PELI2: variants seen among roughly 807,000 people sequenced by gnomAD.
The protein encoded by PELI2 is E3 ubiquitin-protein ligase pellino homolog 2.
Under a neutral mutation model 42.3 loss-of-function variants are expected in PELI2, and 23 were observed. The observed-to-expected ratio is 0.54, with a 90% CI of 0.39 to 0.77. PELI2 has a LOEUF of 0.77. PELI2 is among the 30% of genes least tolerant of loss of function. PELI2 has a pLI of 0.00. For synonymous variants in PELI2, 245 were observed against 212.2 expected (o/e 1.15, Z -1.34); for missense variants, 463 against 553.2 (o/e 0.84, Z 1.64).
chr14:56,152,292 T>C (rs939010962), intron 1 of PELI2, among the ~76,000 whole-genome samples: 5 of 152,290 alleles, frequency 3.3e-5, no homozygotes, highest in Admixed American at 2.6e-4. Flanking sequence ...TCCTTTCTTA[T>C]TCATAAAATG....
chr14:56,228,377 C>A (rs1456431803), intron 2 of PELI2, among the ~76,000 whole-genome samples: 1 of 152,092 alleles, frequency 6.6e-6, no homozygotes, highest in African/African-American at 2.4e-5. Context: ...TTTTTTAAAA[C>A]CCTGGAGAAT....
chr14:56,276,633 G>A (rs1889300461), intron 2 of PELI2, among the ~76,000 whole-genome samples: 1 of 152,172 alleles, frequency 6.6e-6, no homozygotes, highest in Non-Finnish European at 1.5e-5. Flanking sequence ...CTGCCCCGGA[G>A]CCACTCCCCA....
At chr14:56,286,361 G>GT (rs1267949620) in intron 3 of PELI2, among the ~76,000 whole-genome samples, 1 of 152,232 alleles carries the variant, frequency 6.6e-6, no homozygotes, top group Non-Finnish European at 1.5e-5. Context: ...GGAGGAATTG[G>GT]TTGAGGGAGG....
intron 1 of PELI2, among the ~76,000 whole-genome samples, chr14:56,131,860 G>C (rs536130521): frequency 1.3e-5 from 2 of 152,258 alleles, no homozygotes; most frequent in South Asian, 4.2e-4. Flanking sequence ...CCACACTCCA[G>C]CCTGGGCGAC....
In PELI2 at chr14:56,147,115, G is replaced by C. The variant is rs186329499; in HGVS notation, c.77+28378G>C. On this transcript the variant is annotated intron_variant, in intron 1 of 5. Transcript: ENST00000267460. ...AATGTTTTCATTAGTCATCCATGTT[G>C]TAGCATGTATCAGTACTTCTTTTTA... 1.6e-4 allele frequency among the ~76,000 whole-genome samples: 25 copies of C among 152,286 alleles called. 1 individual carries two copies. In the East Asian group the frequency reaches 4.4e-3, roughly 27 times the overall value.
intron 2 of PELI2, among the ~76,000 whole-genome samples, chr14:56,271,341 C>A (rs1889097213): frequency 1.3e-5 from 2 of 152,184 alleles, no homozygotes; most frequent in Non-Finnish European, 2.9e-5. Flanking sequence ...AGACCTACCC[C>A]CAAACAGTTT....
At chr14:56,136,985 G>A (rs1189515282) in intron 1 of PELI2, among the ~76,000 whole-genome samples, 2 of 152,168 alleles carry the variant, frequency 1.3e-5, no homozygotes, top group Non-Finnish European at 2.9e-5. Context: ...CTAGTTAGAG[G>A]TGACAGTGTT....
intron 1 of PELI2, among the ~76,000 whole-genome samples, chr14:56,126,536 C>G (rs1883271308): frequency 6.6e-6 from 1 of 152,164 alleles, no homozygotes; most frequent in African/African-American, 2.4e-5. Flanking sequence ...CAGAATTTAA[C>G]CAGAGCGAGC....
In PELI2 at chr14:56,174,110, C is replaced by A. The variant is rs79916335; in HGVS notation, c.78-4225C>A. Among the ~76,000 whole-genome samples, 60 of 152,256 alleles carry A rather than the reference C, an allele frequency of 3.9e-4. 2 individuals are homozygous for A. The East Asian group carries it at 0.01, about 26-fold the overall frequency. The stretch of plus-strand genomic sequence containing the variant: ...TAGAGACAGGGTTTCACCACGTTGG[C>A]CAGGCTGGTTTCGAACTCCTGACCT... On this transcript the variant is annotated intron_variant, in intron 1 of 5. Coordinates refer to ENST00000267460, the MANE Select transcript of PELI2 (RefSeq NM_021255.3).
At chr14:56,212,299 T>C (rs930166034) in intron 2 of PELI2, among the ~76,000 whole-genome samples, 2 of 152,248 alleles carry the variant, frequency 1.3e-5, no homozygotes, top group African/African-American at 4.8e-5. Flanking sequence ...TCACAGATAC[T>C]ACTGCGCTGT....
At chr14:56,151,468 G>A (rs1884350533) in intron 1 of PELI2, among the ~76,000 whole-genome samples, 1 of 152,106 alleles carries the variant, frequency 6.6e-6, no homozygotes, top group African/African-American at 2.4e-5. Context: ...ATTTCTCAAG[G>A]GGCTGAACTT....
At chr14:56,215,211 T>A (rs1311486510) in intron 2 of PELI2, among the ~76,000 whole-genome samples, 2 of 152,234 alleles carry the variant, frequency 1.3e-5, no homozygotes, top group African/African-American at 4.8e-5. Context: ...CTCTTTCCTA[T>A]CTTCAGAAGT....
chr14:56,186,788 C>T (rs542893379), intron 2 of PELI2, among the ~76,000 whole-genome samples: 75 of 152,112 alleles, frequency 4.9e-4, no homozygotes, highest in Non-Finnish European at 8.5e-4. Context: ...TGCATGTATT[C>T]GTTGGAAAAA....
At chr14:56,252,913 A>G (rs1888395997) in intron 2 of PELI2, among the ~76,000 whole-genome samples, 1 of 152,172 alleles carries the variant, frequency 6.6e-6, no homozygotes, top group South Asian at 2.1e-4. Flanking sequence ...AAAAAGGAAA[A>G]TTTCAGGCCA....
chr14:56,204,803 G>C (rs1341755905), intron 2 of PELI2, among the ~76,000 whole-genome samples: 1 of 152,092 alleles, frequency 6.6e-6, no homozygotes, highest in Non-Finnish European at 1.5e-5. Flanking sequence ...GAGACGCCAA[G>C]GTGGGTGGAT....
At chr14:56,170,400 C>G (rs1885123260) in intron 1 of PELI2, among the ~76,000 whole-genome samples, 2 of 152,204 alleles carry the variant, frequency 1.3e-5, no homozygotes, top group Non-Finnish European at 2.9e-5. Context: ...TTCTTATTGA[C>G]AAATACATTT....
chr14:56,186,909 T>C (rs1200600995), intron 2 of PELI2, among the ~76,000 whole-genome samples: 1 of 152,196 alleles, frequency 6.6e-6, no homozygotes. Context: ...CTACTCAAAC[T>C]TATTTGAATT....
intron 1 of PELI2, among the ~76,000 whole-genome samples, chr14:56,176,265 C>A (rs1885379418): frequency 6.6e-6 from 1 of 152,152 alleles, no homozygotes; most frequent in African/African-American, 2.4e-5. Flanking sequence ...GGCCTATTGA[C>A]CTGGAGTCTA....
At chr14:56,204,317 G>T (rs759151971) in intron 2 of PELI2, among the ~76,000 whole-genome samples, 7 of 152,202 alleles carry the variant, frequency 4.6e-5, no homozygotes, top group Non-Finnish European at 1.0e-4. Context: ...GTAGGTGACA[G>T]CTTAGAGCGA....
Sources: gnomAD v4.1 joint callset for allele counts (sites outside exome capture counted in the v4.1 genomes callset) on GRCh38, gnomAD v4.1.1 for gene constraint, MANE v1.5 for transcripts, NCBI Gene and HGNC (gene_info 2026-07-23, HGNC 2026-07-21) for gene names.